The following SRGAP3 variants were observed in gnomAD, a reference collection of about 807,000 sequenced individuals.
The protein encoded by SRGAP3 is SLIT-ROBO Rho GTPase-activating protein 3.
A neutral mutation model predicts 121.1 loss-of-function variants in SRGAP3; 39 were observed. That is an observed-to-expected ratio of 0.32 (90% CI 0.25 to 0.42). The LOEUF (loss-of-function observed/expected upper bound fraction) is 0.42, where lower values mean the gene tolerates loss of function less well. SRGAP3 is among the 10% of genes least tolerant of loss of function. SRGAP3 has a pLI of 1.00. For synonymous variants in SRGAP3, 601 were observed against 570.0 expected (o/e 1.05, Z -0.77); for missense variants, 1,213 against 1,470.6 (o/e 0.82, Z 2.86).
intron 15 of SRGAP3, among the ~76,000 whole-genome samples, chr3:9,014,465 A>C (rs1943534094): frequency 6.6e-6 from 1 of 152,218 alleles, no homozygotes; most frequent in Non-Finnish European, 1.5e-5. Flanking sequence ...CCTATCAGCC[A>C]AAGTCTGGCA....
intron 10 of SRGAP3, among the ~76,000 whole-genome samples, chr3:9,039,733 C>T (rs1054851168): frequency 6.6e-6 from 1 of 152,220 alleles, no homozygotes; most frequent in Admixed American, 6.5e-5. Flanking sequence ...TGGAATTATA[C>T]AAGATGTGGT....
rs976983667 is a variant in SRGAP3 at position 9,215,797 on chromosome 3, C to G, written c.67+33088G>C. Among the ~76,000 whole-genome samples, 4 of 152,214 alleles carry G rather than the reference C, an allele frequency of 2.6e-5. No individual in the cohort carries two copies. The South Asian group carries it at 8.3e-4, about 31-fold the overall frequency. On this transcript the variant is annotated intron_variant, in intron 1 of 21. Coordinates refer to ENST00000383836, the MANE Select transcript of SRGAP3 (RefSeq NM_014850.4). Reference sequence around the variant, plus strand: ...CTTTGGACTCTAGGACTTGAACCAGCGGCCTCCCCTCAGTTTTCAGGCCTT... The same window carrying G: ...CTTTGGACTCTAGGACTTGAACCAGGGGCCTCCCCTCAGTTTTCAGGCCTT...
intron 3 of SRGAP3, among the ~76,000 whole-genome samples, chr3:9,293,980 G>A (rs765369739): frequency 1.5e-4 from 23 of 152,108 alleles, no homozygotes; most frequent in Admixed American, 5.2e-4. Context: ...TCCCATTACC[G>A]GTTATATACC....
At chr3:9,196,514 CT>C (rs1211767986) in intron 1 of SRGAP3, among the ~76,000 whole-genome samples, 1 of 152,118 alleles carries the variant, frequency 6.6e-6, no homozygotes, top group Non-Finnish European at 1.5e-5. Flanking sequence ...CTTATTTTTG[CT>C]TTTTCTTTGT....
At chr3:9,350,871 A>G (rs2030097234) in intron 1 of SRGAP3, among the ~76,000 whole-genome samples, 1 of 152,214 alleles carries the variant, frequency 6.6e-6, no homozygotes, top group Non-Finnish European at 1.5e-5. Context: ...TATTTGCTAC[A>G]TAACAAACTA....
chr3:9,332,575 G>C (rs1955626153), intron 1 of SRGAP3, among the ~76,000 whole-genome samples: 2 of 152,164 alleles, frequency 1.3e-5, no homozygotes, highest in Non-Finnish European at 2.9e-5. Flanking sequence ...ATACTGATGA[G>C]ACAGTGCAGA....
chr3:9,145,267 T>C (rs148164664), intron 1 of SRGAP3, among the ~76,000 whole-genome samples: 1 of 152,302 alleles, frequency 6.6e-6, no homozygotes, highest in African/African-American at 2.4e-5. Context: ...AGCTAATTTT[T>C]GTAGTTGTGG....
rs1952718290 is a variant in SRGAP3 at position 9,218,982 on chromosome 3, T to G, written c.67+29903A>C. ...GCCACTGCGCCCAGCCTATTTTATCTTATCTTATTTTATTTTTATTTTATT... is the reference window on the plus strand; with the variant it reads ...GCCACTGCGCCCAGCCTATTTTATCGTATCTTATTTTATTTTTATTTTATT... On this transcript the variant is annotated intron_variant, in intron 1 of 21. Transcript: ENST00000383836. This position sits in a 1 kb window ranked among gnomAD's most constrained non-coding sequence, Gnocchi z 5.3. Among the ~76,000 whole-genome samples, 1 of 152,108 alleles carries G rather than the reference T, an allele frequency of 6.6e-6. No homozygotes were observed. Among genetic ancestry groups the G allele is most frequent in the South Asian group, 2.1e-4 (1 of 4,820 alleles).
At chr3:8,989,130 A>C (rs1941895553) in intron 21 of SRGAP3, among the ~76,000 whole-genome samples, 1 of 152,256 alleles carries the variant, frequency 6.6e-6, no homozygotes, top group Non-Finnish European at 1.5e-5. Flanking sequence ...ATCTGCTGTG[A>C]GAGCTACTTT....
chr3:9,346,631 G>A (rs940307524), intron 1 of SRGAP3, among the ~76,000 whole-genome samples: 1 of 152,008 alleles, frequency 6.6e-6, no homozygotes, highest in Non-Finnish European at 1.5e-5. Context: ...CCTGAGTCTA[G>A]GTTTGTTTCC....
chr3:9,129,660 A>C (rs112034609), intron 1 of SRGAP3, among the ~76,000 whole-genome samples: 98 of 151,980 alleles, frequency 6.4e-4, no homozygotes, highest in African/African-American at 2.2e-3. Flanking sequence ...CATGCATGCC[A>C]TCTCTGCCTC....
chr3:9,018,755 A>G (rs1008494529), intron 14 of SRGAP3, among the ~76,000 whole-genome samples: 4 of 152,188 alleles, frequency 2.6e-5, no homozygotes, highest in African/African-American at 7.2e-5. Flanking sequence ...TTTTTTAGAA[A>G]TACTTTTTTT....
chr3:9,188,675 T>C (rs1951668690), intron 1 of SRGAP3, among the ~76,000 whole-genome samples: 1 of 152,230 alleles, frequency 6.6e-6, no homozygotes, highest in African/African-American at 2.4e-5. Context: ...ATTGCCTCTC[T>C]TTGGTGCCAT....
intron 1 of SRGAP3, chr3:9,349,293 C>G (rs1268762154): frequency 4.5e-6 from 2 of 439,646 alleles, no homozygotes; most frequent in Non-Finnish European, 8.6e-6. Flanking sequence ...CATCTGTAGG[C>G]ATCTTGAGCT....
rs558702259 is a variant in SRGAP3, at chr3:9,002,188, T to C, written c.2228-7665A>G. On this transcript the variant is annotated intron_variant, in intron 18 of 21. Transcript: ENST00000383836. ...TAAAACAAACCTCAATAATTCAAAA[T>C]CATACAAATAATACAAAATGTGTTC... is the stretch of plus-strand genomic sequence containing the variant. Among the ~76,000 whole-genome samples, 7 of 152,240 alleles carry C rather than the reference T, an allele frequency of 4.6e-5. No homozygotes were observed. In the South Asian group the frequency reaches 1.2e-3, roughly 27 times the overall value.
At chr3:9,042,702 A>G (rs757705698) in intron 10 of SRGAP3, among the ~76,000 whole-genome samples, 7 of 152,214 alleles carry the variant, frequency 4.6e-5, no homozygotes, top group Non-Finnish European at 1.0e-4. Context: ...AATTCCTACC[A>G]GACACCAGTT....
At chr3:9,248,402 T>C (rs1953901603) in intron 1 of SRGAP3, among the ~76,000 whole-genome samples, 1 of 151,904 alleles carries the variant, frequency 6.6e-6, no homozygotes, top group Non-Finnish European at 1.5e-5. Context: ...GCTGTGCACA[T>C]GCATGTGAAT....
At chr3:9,073,571 C>T (rs1946822621) in intron 4 of SRGAP3, among the ~76,000 whole-genome samples, 2 of 152,194 alleles carry the variant, frequency 1.3e-5, no homozygotes, top group African/African-American at 2.4e-5. Context: ...CCTGAGCTGG[C>T]CACCTGGGCT....
At chr3:9,061,294 G>A (rs574507077) in intron 5 of SRGAP3, among the ~76,000 whole-genome samples, 2 of 152,204 alleles carry the variant, frequency 1.3e-5, no homozygotes, top group South Asian at 4.2e-4. Flanking sequence ...ACTGCTGCTC[G>A]CACCTGAGAA....
Sources: gnomAD v4.1 joint callset for allele counts (sites outside exome capture counted in the v4.1 genomes callset) on GRCh38, gnomAD v4.1.1 for gene constraint, Gnocchi (gnomAD v3.1) non-coding constraint, MANE v1.5 for transcripts, NCBI Gene and HGNC (gene_info 2026-07-23, HGNC 2026-07-21) for gene names.